The following CHN2 variants were observed in gnomAD, a reference collection of about 807,000 sequenced individuals.
The protein encoded by CHN2 is chimerin 2.
Under a neutral mutation model 56.3 loss-of-function variants are expected in CHN2, and 35 were observed. The observed-to-expected ratio is 0.62, with a 90% CI of 0.47 to 0.82. The LOEUF (loss-of-function observed/expected upper bound fraction) is 0.82, where lower values mean the gene tolerates loss of function less well. Ranked by LOEUF, CHN2 falls within the 40% of genes least tolerant of loss-of-function variation. CHN2 has a pLI of 0.00. For synonymous variants in CHN2, 210 were observed against 212.8 expected, an observed-to-expected ratio of 0.99 and a Z score of 0.12; for missense variants, 491 against 580.5, an observed-to-expected ratio of 0.85 and a Z score of 1.58.
intron 1 of CHN2, among the ~76,000 whole-genome samples, chr7:29,222,835 T>C (rs1281045408): frequency 3.3e-5 from 5 of 152,164 alleles, no homozygotes; most frequent in Non-Finnish European, 5.9e-5. Context: ...ACTTATGTTG[T>C]TAGATATTGA....
chr7:29,258,871 T>C (rs1019305769), intron 1 of CHN2, among the ~76,000 whole-genome samples: 1 of 152,212 alleles, frequency 6.6e-6, no homozygotes, highest in Non-Finnish European at 1.5e-5. Flanking sequence ...CTTCCATCTT[T>C]CTATCTTTAC....
At chr7:29,507,684 G>T (rs1409041129) in intron 11 of CHN2, among the ~76,000 whole-genome samples, 23 of 152,142 alleles carry the variant, frequency 1.5e-4, no homozygotes, top group Admixed American at 1.3e-3. Context: ...CTTCAATGAG[G>T]ACTGACTAGA....
chr7:29,477,643 A>G (rs1439525215), intron 6 of CHN2, among the ~76,000 whole-genome samples: 1 of 152,234 alleles, frequency 6.6e-6, no homozygotes, highest in African/African-American at 2.4e-5. Context: ...AGCCCTGCAA[A>G]GGTATGCCAA....
At chr7:29,290,960 T>C (rs1792561375) in intron 1 of CHN2, among the ~76,000 whole-genome samples, 1 of 152,134 alleles carries the variant, frequency 6.6e-6, no homozygotes, top group South Asian at 2.1e-4. Context: ...GACCTTTGAC[T>C]TGGGGTTTAT....
chr7:29,454,093 C>T (rs57706331), intron 6 of CHN2, among the ~76,000 whole-genome samples: 10,921 of 152,170 alleles, frequency 0.072, 883 homozygotes, highest in African/African-American at 0.2. Flanking sequence ...ACAAAATGCT[C>T]TGAGAGCTTA....
chr7:29,314,644 C>A lies in CHN2; in HGVS notation c.50-39981C>A, dbSNP rs1292339968. Reference sequence around the variant, plus strand: ...AATATTCAAAGAAGGTATTAATTCACTGAAAATTCCAAGAAGTGAGAGTTC... The same window carrying A: ...AATATTCAAAGAAGGTATTAATTCAATGAAAATTCCAAGAAGTGAGAGTTC... On this transcript the variant is annotated intron_variant, in intron 1 of 12. Transcript: ENST00000222792. 2.6e-5 allele frequency among the ~76,000 whole-genome samples: 4 copies of A among 152,220 alleles called. 1 individual carries two copies. The South Asian group carries it at 8.3e-4, about 32-fold the overall frequency.
Position 29,400,564 on chromosome 7 carries a change from CTA to C in CHN2, c.313_314del (p.Tyr105GlnfsTer12). ...ALRFGNQTLN[Y>X]RLFHDGKHFV... ...GCAGGTTTGGAAACCAGACCTTAAA[CTA>C]CAGGCTCTTCCACGACGGGAAACAC... is the stretch of plus-strand genomic sequence containing the variant. On this transcript the variant is annotated frameshift_variant, in exon 6 of 13. Transcript: ENST00000222792. LOFTEE classifies it high-confidence loss of function. The C allele has an allele frequency of 6.2e-7, 1 of 1,614,192 alleles. No homozygotes were observed. The highest frequency in any genetic ancestry group is 8.5e-7 in the Non-Finnish European group (1 of 1,180,034).
chr7:29,367,005 TA>T, intron 2 of CHN2, among the ~76,000 whole-genome samples: 1 of 152,356 alleles, frequency 6.6e-6, no homozygotes, highest in South Asian at 2.1e-4. Flanking sequence ...CTAGTCTTTT[TA>T]ACTTTTTGTA....
chr7:29,379,254 C>A (rs1168405344), intron 3 of CHN2, among the ~76,000 whole-genome samples: 1 of 152,192 alleles, frequency 6.6e-6, no homozygotes, highest in Non-Finnish European at 1.5e-5. Flanking sequence ...TGGTCACTTT[C>A]TCCACTTCAA....
rs568553970 is a variant in CHN2, at chr7:29,326,848, A to G, written c.50-27777A>G. Reference sequence around the variant, plus strand: ...GCTTGTTGGATGAATATGTACTGATAATAATAATTATGAATGAGCTCTTAT... The same window carrying G: ...GCTTGTTGGATGAATATGTACTGATGATAATAATTATGAATGAGCTCTTAT... On this transcript the variant is annotated intron_variant, in intron 1 of 12. Coordinates refer to ENST00000222792, the MANE Select transcript of CHN2 (RefSeq NM_004067.4). Among the ~76,000 whole-genome samples the G allele has an allele frequency of 5.9e-5, 9 of 152,292 alleles. No individual in the cohort carries two copies. The South Asian group carries it at 1.9e-3, about 32-fold the overall frequency.
At chr7:29,346,318 A>C (rs771020224) in intron 1 of CHN2, among the ~76,000 whole-genome samples, 1 of 151,488 alleles carries the variant, frequency 6.6e-6, no homozygotes, top group Non-Finnish European at 1.5e-5. Context: ...ACAACATCCC[A>C]CTCCTGCTGT....
chr7:29,240,166 GC>G (rs1359523931), intron 1 of CHN2, among the ~76,000 whole-genome samples: 2 of 152,140 alleles, frequency 1.3e-5, no homozygotes, highest in Non-Finnish European at 2.9e-5. Flanking sequence ...GCAGGCTGAG[GC>G]CATGAACCAC....
chr7:29,476,494 G>A (rs993910764), intron 6 of CHN2, among the ~76,000 whole-genome samples: 2 of 149,906 alleles, frequency 1.3e-5, no homozygotes, highest in South Asian at 2.1e-4. Context: ...CCGAGATCGC[G>A]CCATTGCACT....
chr7:29,343,872 T>C (rs1695023629), intron 1 of CHN2, among the ~76,000 whole-genome samples: 1 of 152,176 alleles, frequency 6.6e-6, no homozygotes, highest in African/African-American at 2.4e-5. Context: ...TTTTCTGAAC[T>C]GCAGGTCTCT....
At chr7:29,424,496 C>T (rs570809018) in intron 6 of CHN2, among the ~76,000 whole-genome samples, 12 of 152,320 alleles carry the variant, frequency 7.9e-5, no homozygotes, top group African/African-American at 2.4e-4. Context: ...CCCAAGGGAA[C>T]ATCAGCACTA....
chr7:29,290,381 T>C (rs1395379115), intron 1 of CHN2, among the ~76,000 whole-genome samples: 1 of 152,242 alleles, frequency 6.6e-6, no homozygotes. Context: ...AGCGAATCTC[T>C]GCTGCTGTTC....
At chr7:29,263,788 C>T (rs542348308) in intron 1 of CHN2, among the ~76,000 whole-genome samples, 29 of 151,964 alleles carry the variant, frequency 1.9e-4, no homozygotes, top group Non-Finnish European at 2.5e-4. Flanking sequence ...TGCCTCTGCC[C>T]GGCTGCGACC....
chr7:29,455,165 T>A (rs904043814), intron 6 of CHN2, among the ~76,000 whole-genome samples: 8 of 152,136 alleles, frequency 5.3e-5, no homozygotes, highest in African/African-American at 1.9e-4. Flanking sequence ...ATGCACACAT[T>A]TTGAGCCAAT....
At chr7:29,175,756 AC>A (rs1797236620) in intron 2 of CHN2, among the ~76,000 whole-genome samples, 1 of 152,226 alleles carries the variant, frequency 6.6e-6, no homozygotes, top group Non-Finnish European at 1.5e-5. Flanking sequence ...AGGGAAAAAA[AC>A]AAAACAAAAA....
Sources: gnomAD v4.1 joint callset for allele counts (sites outside exome capture counted in the v4.1 genomes callset) on GRCh38, gnomAD v4.1.1 for gene constraint, MANE v1.5 for transcripts, NCBI Gene and HGNC (gene_info 2026-07-23, HGNC 2026-07-21) for gene names.